The following FHAD1 variants were observed in gnomAD, a reference collection of about 807,000 sequenced individuals.
FHAD1 encodes the protein forkhead-associated domain-containing protein 1.
Under a neutral mutation model 191.3 loss-of-function variants are expected in FHAD1, and 146 were observed. The observed-to-expected ratio is 0.76, with a 90% CI of 0.67 to 0.88. FHAD1 has a LOEUF of 0.88. Ranked by LOEUF, FHAD1 falls within the 40% of genes least tolerant of loss-of-function variation. FHAD1 has a pLI of 0.00. For missense variants in FHAD1, 1,635 were observed against 1,785.8 expected, an observed-to-expected ratio of 0.92 and a Z score of 1.52; for synonymous variants, 616 against 672.3, an observed-to-expected ratio of 0.92 and a Z score of 1.29.
chr1:15,313,315 T>C, intron 8 of FHAD1, 128 bp downstream of exon 8: 1 of 449,046 alleles, frequency 2.2e-6, no homozygotes, highest in Non-Finnish European at 3.1e-6. Flanking sequence ...TCTCACACCA[T>C]TGTGCTGGGG....
At chr1:15,346,138 G>T (rs982410138) in intron 18 of FHAD1, among the ~76,000 whole-genome samples, 1 of 152,086 alleles carries the variant, frequency 6.6e-6, no homozygotes, top group Non-Finnish European at 1.5e-5. Flanking sequence ...GCTCCTCCCC[G>T]GGCCCAAGCG....
intron 2 of FHAD1, among the ~76,000 whole-genome samples, chr1:15,263,294 G>A (rs1651892075): frequency 6.6e-6 from 1 of 151,708 alleles, no homozygotes; most frequent in South Asian, 2.1e-4. Context: ...ATATATAGAA[G>A]TTTTAATGTT....
intron 20 of FHAD1, among the ~76,000 whole-genome samples, chr1:15,355,240 G>A (rs1004303922): frequency 6.6e-6 from 1 of 151,420 alleles, no homozygotes; most frequent in East Asian, 1.9e-4. Context: ...GGGGTCTTAC[G>A]GCATCCCTCA....
chr1:15,360,429 C>T (rs1055059885), intron 21 of FHAD1, 49 bp from the exon 22 acceptor site: 13 of 1,496,456 alleles, frequency 8.7e-6, no homozygotes, highest in Admixed American at 2.0e-5. Context: ...TTATTGTTGC[C>T]GTCATACACA....
intron 2 of FHAD1, among the ~76,000 whole-genome samples, chr1:15,256,380 C>T (rs1432265572): frequency 7.2e-5 from 11 of 152,162 alleles, no homozygotes; most frequent in African/African-American, 2.4e-4. Context: ...CAGCCAGGCA[C>T]GGTGGCTCAC....
chr1:15,246,104 A>G (rs1409960964), upstream of FHAD1, among the ~76,000 whole-genome samples: 1 of 152,220 alleles, frequency 6.6e-6, no homozygotes, highest in African/African-American at 2.4e-5. Flanking sequence ...GGCCAAGGGG[A>G]AGCAAGGAAG....
chr1:15,369,290 C>A, intron 25 of FHAD1, 80 bp from the exon 26 acceptor site: 1 of 1,421,044 alleles, frequency 7.0e-7, no homozygotes, highest in Non-Finnish European at 9.6e-7. Context: ...AATAGAGCTC[C>A]ATGTCCTGGT....
intron 26 of FHAD1, among the ~76,000 whole-genome samples, chr1:15,372,123 A>G (rs1231218141): frequency 1.3e-5 from 2 of 151,952 alleles, no homozygotes; most frequent in Non-Finnish European, 2.9e-5. Context: ...CAGCACAGTG[A>G]CGCGGGGGCA....
chr1:15,388,490 T>C, intron 32 of FHAD1: 1 of 771,348 alleles, frequency 1.3e-6, no homozygotes, highest in Non-Finnish European at 1.7e-6. Flanking sequence ...GGCCACTAAG[T>C]AACTTGGGGA....
intron 10 of FHAD1, among the ~76,000 whole-genome samples, chr1:15,321,326 C>T (rs769712155): frequency 2.0e-5 from 3 of 152,156 alleles, no homozygotes; most frequent in Non-Finnish European, 2.9e-5. Flanking sequence ...GACAATAGCA[C>T]GCATTCGTGA....
At position 15,327,369 on chromosome 1, in the gene FHAD1, A is replaced by G. The variant is rs1679135924; in HGVS notation, c.1557+227A>G. ...AATGTGTCTGTGAAAATCAAATTAA[A>G]CCATTCGGGCTTACTTCTGGTCTCC... On this transcript the variant is annotated intron_variant, in intron 12 of 33. Transcript: ENST00000688493. This position sits in a 1 kb window ranked among gnomAD's most constrained non-coding sequence, Gnocchi z 5.1. The G allele has an allele frequency of 4.1e-6, 2 of 493,450 alleles. No homozygotes were observed. The highest frequency in any genetic ancestry group is 7.5e-5 in the Admixed American group (2 of 26,664). 30.6% of individuals were successfully genotyped at this position (493,450 alleles called of 1,614,324 possible).
intron 6 of FHAD1, among the ~76,000 whole-genome samples, chr1:15,304,939 C>T (rs750207737): frequency 9.9e-5 from 14 of 141,496 alleles, no homozygotes; most frequent in Admixed American, 6.8e-4. Context: ...CAGGGCACAC[C>T]GTATCTGCAT....
intron 14 of FHAD1, chr1:15,335,341 G>A (rs990263751): frequency 3.3e-5 from 5 of 152,162 alleles, no homozygotes; most frequent in Non-Finnish European, 7.3e-5. Flanking sequence ...AAGCTCCGTC[G>A]TTTGTGTCTA....
At chr1:15,300,187 C>T (rs1558044537) in intron 5 of FHAD1, among the ~76,000 whole-genome samples, 2 of 152,142 alleles carry the variant, frequency 1.3e-5, no homozygotes, top group East Asian at 1.9e-4. Flanking sequence ...ATTTTTTCCC[C>T]CTTTTTTGGG....
chr1:15,335,093 G>A (rs1012073348), intron 14 of FHAD1, among the ~76,000 whole-genome samples: 4 of 152,200 alleles, frequency 2.6e-5, no homozygotes, highest in Non-Finnish European at 5.9e-5. Context: ...GAATCCAGGC[G>A]GGGTAAACGT....
At chr1:15,349,911 T>A (rs1472825758) in intron 19 of FHAD1, among the ~76,000 whole-genome samples, 1 of 152,030 alleles carries the variant, frequency 6.6e-6, no homozygotes, top group Non-Finnish European at 1.5e-5. Flanking sequence ...AGGCAGGCCC[T>A]CAGGTCAGCC....
intron 27 of FHAD1, 71 bp from the exon 28 acceptor site, chr1:15,375,532 T>C: frequency 7.2e-7 from 1 of 1,393,254 alleles, no homozygotes; most frequent in South Asian, 1.5e-5. Context: ...CTGTAAATAG[T>C]TGCTATGGTT....
chr1:15,307,172 C>T (rs1210645558), intron 6 of FHAD1, among the ~76,000 whole-genome samples: 2 of 152,136 alleles, frequency 1.3e-5, no homozygotes, highest in African/African-American at 4.8e-5. Context: ...GTTTGACTGC[C>T]CTGCTGGATT....
At chr1:15,248,199 T>TA (rs1457825550) in intron 1 of FHAD1, among the ~76,000 whole-genome samples, 1 of 152,168 alleles carries the variant, frequency 6.6e-6, no homozygotes, top group African/African-American at 2.4e-5. Context: ...TGAGCACCAC[T>TA]ATGTGTCAGG....
Sources: allele counts gnomAD v4.1 joint callset (sites outside exome capture counted in the v4.1 genomes callset), GRCh38; gene constraint gnomAD v4.1.1; non-coding constraint Gnocchi (gnomAD v3.1); transcripts MANE v1.5; gene names NCBI Gene and HGNC (gene_info 2026-07-23, HGNC 2026-07-21).